Variants in NPLOC4 observed in about 807,000 individuals in gnomAD.
NPLOC4 encodes the protein NPL4 homolog, ubiquitin recognition factor.
NPLOC4 carries 18 observed loss-of-function variants against 80.6 expected under a neutral mutation model. The ratio of observed to expected loss-of-function variants is 0.22; its 90% confidence interval spans 0.15 to 0.33. The LOEUF (loss-of-function observed/expected upper bound fraction) is 0.33, where lower values mean the gene tolerates loss of function less well. Among genes scored for constraint, NPLOC4 ranks in the 10% least tolerant of loss-of-function variants. The pLI is 1.00. For synonymous variants in NPLOC4, 313 were observed against 301.5 expected, an observed-to-expected ratio of 1.04 and a Z score of -0.39; for missense variants, 540 against 786.1, an observed-to-expected ratio of 0.69 and a Z score of 3.74.
chr17:81,608,577 T>C (rs1442330072), intron 6 of NPLOC4, 151 bp downstream of exon 6: 3 of 573,620 alleles, frequency 5.2e-6, no homozygotes, highest in Non-Finnish European at 9.3e-6. Flanking sequence ...AAAAAATAAA[T>C]AAATAAATAT....
chr17:81,630,750 G>A (rs997729544), intron 1 of NPLOC4, among the ~76,000 whole-genome samples: 1 of 152,172 alleles, frequency 6.6e-6, no homozygotes, highest in Non-Finnish European at 1.5e-5. Context: ...GGTGGCGTAC[G>A]CCTATGGTCT....
At chr17:81,634,281 G>A (rs1302082464) in intron 1 of NPLOC4, among the ~76,000 whole-genome samples, 1 of 152,098 alleles carries the variant, frequency 6.6e-6, no homozygotes, top group Non-Finnish European at 1.5e-5. Flanking sequence ...GATTACAGGT[G>A]TGAGCCACCA....
intron 12 of NPLOC4, among the ~76,000 whole-genome samples, chr17:81,575,084 G>A (rs113611088): frequency 6.6e-6 from 1 of 152,278 alleles, no homozygotes; most frequent in African/African-American, 2.4e-5. Flanking sequence ...AAAAAACAAA[G>A]CTTTCAGACA....
chr17:81,609,970 A>G (rs1054812177), intron 5 of NPLOC4, among the ~76,000 whole-genome samples: 1 of 152,204 alleles, frequency 6.6e-6, no homozygotes, highest in Non-Finnish European at 1.5e-5. Context: ...CTGCCCCTTT[A>G]TCACAGCCAC....
chr17:81,600,264 T>C, intron 9 of NPLOC4, 77 bp downstream of exon 9: 6 of 1,021,488 alleles, frequency 5.9e-6, no homozygotes, highest in Non-Finnish European at 7.5e-6. Flanking sequence ...GCCCGGCCAC[T>C]CTCCCAACTC....
At chr17:81,607,995 C>A (rs1386004361) in intron 6 of NPLOC4, among the ~76,000 whole-genome samples, 1 of 152,140 alleles carries the variant, frequency 6.6e-6, no homozygotes, top group African/African-American at 2.4e-5. Flanking sequence ...GTACAGAGAG[C>A]CAACAGGAGA....
chr17:81,619,200 T>C (rs1272515073), intron 3 of NPLOC4, among the ~76,000 whole-genome samples: 3 of 68,108 alleles, frequency 4.4e-5, no homozygotes, highest in Admixed American at 3.6e-4. Flanking sequence ...GAATGATCAA[T>C]TAAAAAAAAA....
intron 2 of NPLOC4, among the ~76,000 whole-genome samples, chr17:81,625,557 C>A (rs2035773455): frequency 6.6e-6 from 1 of 152,152 alleles, no homozygotes; most frequent in Non-Finnish European, 1.5e-5. Flanking sequence ...ACGGGCTTAT[C>A]AGCAGAAGGG....
At position 81,567,387 on chromosome 17, in the gene NPLOC4, C is replaced by T; in HGVS notation, c.1566+30G>A. On this transcript the variant is annotated intron_variant, in intron 15 of 16. Transcript: ENST00000331134. This position sits in a 1 kb window ranked among gnomAD's most constrained non-coding sequence, Gnocchi z 4.5. ...TCTCTTTGCAGCCAAAGCCCACTTGCTCAAGTGGACACCACACTTGGACAC... is the reference window on the plus strand; with the variant it reads ...TCTCTTTGCAGCCAAAGCCCACTTGTTCAAGTGGACACCACACTTGGACAC... The T allele has an allele frequency of 7.3e-7, 1 of 1,377,900 alleles. No homozygotes were observed. The highest frequency in any genetic ancestry group is 1.2e-5 in the South Asian group (1 of 84,396). 85.4% of individuals were successfully genotyped at this position (1,377,900 alleles called of 1,614,324 possible). A position where few individuals can be genotyped will look rare whatever the true frequency, so the allele number is the denominator to read the frequency against.
rs534354141 is a variant in NPLOC4, at chr17:81,558,963, G to A, written c.*296C>T. ...CCCCAATTCCAGGTGCCACGTAGAG[G>A]CGAGAGGTCTTTCCAACACGGCGGG... is the stretch of plus-strand genomic sequence containing the variant. On this transcript the variant is annotated 3_prime_UTR_variant, in exon 17 of 17. Transcript: ENST00000331134. The A allele has an allele frequency of 4.0e-4, 124 of 309,978 alleles. No homozygotes were observed. The highest frequency in any genetic ancestry group is 4.8e-4 in the Non-Finnish European group (80 of 167,804). The allele number at this position is 309,978 out of a possible 1,614,324, so 19.2% of individuals were successfully genotyped here.
intron 3 of NPLOC4, among the ~76,000 whole-genome samples, chr17:81,616,028 C>A (rs1436023979): frequency 1.3e-5 from 2 of 152,162 alleles, no homozygotes; most frequent in African/African-American, 4.8e-5. Context: ...AGAAAAGCTG[C>A]TAAATCTGGG....
At chr17:81,605,290 A>T (rs191166558) in intron 7 of NPLOC4, among the ~76,000 whole-genome samples, 16,806 of 137,884 alleles carry the variant, frequency 0.12, 1,179 homozygotes, top group Non-Finnish European at 0.16. Context: ...CAAAAAAAAA[A>T]AATAAATAAT....
rs1022841327 is a variant in NPLOC4, at chr17:81,559,199, G to T, written c.*60C>A. ...AGTTACAGGGAACACACTCAGCAAC[G>T]CTTCTGGCTTCAGGAAGGGCTGGGC... On this transcript the variant is annotated 3_prime_UTR_variant, in exon 17 of 17. Transcript: ENST00000331134. 1 of 1,512,776 alleles carries T rather than the reference G, an allele frequency of 6.6e-7. No individual in the cohort carries two copies. The highest frequency in any genetic ancestry group is 8.9e-7 in the Non-Finnish European group (1 of 1,126,254). 93.7% of individuals were successfully genotyped at this position (1,512,776 alleles called of 1,614,324 possible).
intron 2 of NPLOC4, among the ~76,000 whole-genome samples, chr17:81,627,870 A>C (rs951431947): frequency 6.6e-6 from 1 of 152,110 alleles, no homozygotes; most frequent in Non-Finnish European, 1.5e-5. Context: ...CAGGAGGCGG[A>C]GGTTGCACTG....
intron 8 of NPLOC4, among the ~76,000 whole-genome samples, chr17:81,600,809 T>C (rs1196337928): frequency 6.6e-6 from 1 of 152,128 alleles, no homozygotes; most frequent in Non-Finnish European, 1.5e-5. Flanking sequence ...TCCAAACAGG[T>C]TTGGCTAAAT....
chr17:81,616,572 T>C (rs1598672781), intron 3 of NPLOC4, among the ~76,000 whole-genome samples: 1 of 147,718 alleles, frequency 6.8e-6, no homozygotes. Context: ...CTACTAAAAA[T>C]AGAAAAAATT....
chr17:81,636,997 A>G lies in NPLOC4; in HGVS notation c.-67T>C. 1 of 1,088,552 alleles carries G rather than the reference A, an allele frequency of 9.2e-7. No homozygotes were observed. Among genetic ancestry groups the G allele is most frequent in the African/African-American group, 1.7e-5 (1 of 60,604 alleles). 67.4% of individuals were successfully genotyped at this position (1,088,552 alleles called of 1,614,324 possible). ...CCGCCTGCCGCCCCAAGGGCCTCGC[A>G]GACCCGGCCGCGGCCTCAGCCCCGG... On this transcript the variant is annotated 5_prime_UTR_variant, in exon 1 of 17. Transcript: ENST00000331134.
intron 16 of NPLOC4, chr17:81,564,105 C>CACACACACAG (rs1555677866): frequency 3.9e-5 from 13 of 334,550 alleles, no homozygotes; most frequent in Admixed American, 2.6e-4. Flanking sequence ...CACACACACA[C>CACACACACAG]ACACACACAC....
intron 2 of NPLOC4, among the ~76,000 whole-genome samples, chr17:81,625,516 A>AAC (rs796509802): frequency 6.6e-6 from 1 of 152,214 alleles, no homozygotes; most frequent in African/African-American, 2.4e-5. Flanking sequence ...AGAACTGAAA[A>AAC]ACACAAGAAC....
Sources: gnomAD v4.1 joint callset for allele counts (sites outside exome capture counted in the v4.1 genomes callset) on GRCh38, gnomAD v4.1.1 for gene constraint, Gnocchi (gnomAD v3.1) non-coding constraint, MANE v1.5 for transcripts, NCBI Gene and HGNC (gene_info 2026-07-23, HGNC 2026-07-21) for gene names.